The following OSBPL1A variants were observed in gnomAD, a reference collection of about 807,000 sequenced individuals.
OSBPL1A encodes the protein oxysterol-binding protein-related protein 1.
OSBPL1A carries 80 observed loss-of-function variants against 137.1 expected under a neutral mutation model. That is an observed-to-expected ratio of 0.58 (90% confidence interval 0.49 to 0.70). OSBPL1A has a LOEUF of 0.70. Among genes scored for constraint, OSBPL1A ranks in the 30% least tolerant of loss-of-function variants. The pLI, the probability that OSBPL1A is intolerant of heterozygous loss-of-function variation, is 0.00. For missense variants in OSBPL1A, 970 were observed against 1,129.4 expected (o/e 0.86, Z 2.02); for synonymous variants, 365 against 389.7 (o/e 0.94, Z 0.75).
chr18:24,286,579 A>C (rs1462796516), intron 14 of OSBPL1A, among the ~76,000 whole-genome samples: 1 of 152,234 alleles, frequency 6.6e-6, no homozygotes, highest in Non-Finnish European at 1.5e-5. Context: ...CTTTTAAAAA[A>C]TATTAAAATT....
chr18:24,163,788 G>A (rs778780813), intron 27 of OSBPL1A, among the ~76,000 whole-genome samples: 1 of 151,212 alleles, frequency 6.6e-6, no homozygotes, highest in Non-Finnish European at 1.5e-5. Context: ...GCTGGAGTGC[G>A]ATGGTGCACT....
intron 17 of OSBPL1A, among the ~76,000 whole-genome samples, chr18:24,224,138 T>C (rs534785355): frequency 1.3e-5 from 2 of 152,174 alleles, no homozygotes; most frequent in African/African-American, 4.8e-5. Context: ...TAAAAATAAA[T>C]ACAAACTGAG....
At chr18:24,239,456 T>G in intron 15 of OSBPL1A, 74 bp from the exon 16 acceptor site, 1 of 1,372,422 alleles carries the variant, frequency 7.3e-7, no homozygotes, top group Non-Finnish European at 1.0e-6. Flanking sequence ...GATGTGAAAA[T>G]TAATTGCTTT....
chr18:24,256,513 C>T (rs972317763), intron 15 of OSBPL1A, among the ~76,000 whole-genome samples: 3 of 152,132 alleles, frequency 2.0e-5, no homozygotes, highest in Non-Finnish European at 4.4e-5. Context: ...TAGTATCATA[C>T]TAAATGAGGA....
intron 4 of OSBPL1A, among the ~76,000 whole-genome samples, chr18:24,352,238 G>C (rs2091452438): frequency 6.6e-6 from 1 of 152,082 alleles, no homozygotes; most frequent in African/African-American, 2.4e-5. Flanking sequence ...GGAGATTGAG[G>C]CTCCAGGGAA....
intron 16 of OSBPL1A, among the ~76,000 whole-genome samples, chr18:24,235,260 T>A (rs1430240638): frequency 6.6e-6 from 1 of 152,218 alleles, no homozygotes; most frequent in African/African-American, 2.4e-5. Context: ...CGGGTCACCA[T>A]AATGAGAGCT....
intron 17 of OSBPL1A, among the ~76,000 whole-genome samples, chr18:24,211,989 G>C (rs1443062974): frequency 2.0e-5 from 3 of 151,868 alleles, no homozygotes; most frequent in Admixed American, 6.6e-5. Context: ...TAGGAAGCTG[G>C]ATAAATAAAA....
chr18:24,231,115 A>G (rs767698080), intron 16 of OSBPL1A, among the ~76,000 whole-genome samples: 32 of 152,300 alleles, frequency 2.1e-4, no homozygotes, highest in Non-Finnish European at 4.0e-4. Context: ...TAACACCTTG[A>G]AAAACATATA....
chr18:24,193,610 C>T lies in OSBPL1A; in HGVS notation c.1677+2515G>A, dbSNP rs188556168. Among the ~76,000 whole-genome samples the T allele has an allele frequency of 4.9e-4, 75 of 152,226 alleles. 1 individual carries two copies. Among genetic ancestry groups the T allele is most frequent in the East Asian group, 4.6e-3 (24 of 5,182 alleles). On this transcript the variant is annotated intron_variant, in intron 18 of 27. Transcript: ENST00000319481. ...CTGCTGCCTAAGAGAGAAGGTCCTACAGCAGACAGTGCCCAAAGAACAATA... is the reference window on the plus strand; with the variant it reads ...CTGCTGCCTAAGAGAGAAGGTCCTATAGCAGACAGTGCCCAAAGAACAATA...
intron 14 of OSBPL1A, among the ~76,000 whole-genome samples, chr18:24,296,139 T>C (rs1253576635): frequency 2.6e-5 from 4 of 152,168 alleles, no homozygotes; most frequent in Non-Finnish European, 5.9e-5. Flanking sequence ...TCCATGAGCA[T>C]GAGATATGTT....
chr18:24,368,506 T>G, intron 2 of OSBPL1A, 134 bp from the exon 3 acceptor site: 1 of 668,484 alleles, frequency 1.5e-6, no homozygotes, highest in Non-Finnish European at 2.7e-6. Context: ...GCAAGATATG[T>G]GACCAAGAAG....
At chr18:24,218,084 G>A (rs1420205040) in intron 17 of OSBPL1A, among the ~76,000 whole-genome samples, 1 of 152,166 alleles carries the variant, frequency 6.6e-6, no homozygotes, top group African/African-American at 2.4e-5. Context: ...ACCAAAGGCA[G>A]TATGTAGAAC....
chr18:24,368,455 C>T, intron 2 of OSBPL1A, 83 bp from the exon 3 acceptor site: 1 of 986,726 alleles, frequency 1.0e-6, no homozygotes, highest in Non-Finnish European at 1.6e-6. Context: ...AACAAGCTAC[C>T]TCAATAATCT....
chr18:24,348,217 A>C (rs1404149483), intron 4 of OSBPL1A, among the ~76,000 whole-genome samples: 1 of 152,236 alleles, frequency 6.6e-6, no homozygotes, highest in East Asian at 1.9e-4. Context: ...ATAATATATT[A>C]GTTCTTTCCT....
At chr18:24,346,403 ACTAT>A (rs1404322439) in intron 4 of OSBPL1A, among the ~76,000 whole-genome samples, 3 of 152,164 alleles carry the variant, frequency 2.0e-5, no homozygotes, top group African/African-American at 7.2e-5. Context: ...GTACATCATC[ACTAT>A]CTAATTTCAG....
intron 17 of OSBPL1A, among the ~76,000 whole-genome samples, chr18:24,201,765 A>G (rs921513625): frequency 3.9e-5 from 6 of 152,054 alleles, no homozygotes; most frequent in African/African-American, 1.4e-4. Context: ...TCCATTAAAA[A>G]AAAAAAAGAA....
At chr18:24,259,486 T>C (rs1215171159) in intron 15 of OSBPL1A, among the ~76,000 whole-genome samples, 2 of 152,144 alleles carry the variant, frequency 1.3e-5, no homozygotes, top group Non-Finnish European at 2.9e-5. Context: ...ATGGAAATAT[T>C]GTGCAAAGGA....
intron 4 of OSBPL1A, among the ~76,000 whole-genome samples, chr18:24,365,438 T>G (rs192767356): frequency 5.1e-4 from 77 of 152,084 alleles, no homozygotes; most frequent in African/African-American, 1.6e-3. Context: ...TCCAAAATTA[T>G]CTGGGCATGG....
chr18:24,334,392 A>G, intron 5 of OSBPL1A, 62 bp from the exon 6 acceptor site: 1 of 1,346,494 alleles, frequency 7.4e-7, no homozygotes, highest in Non-Finnish European at 1.0e-6. Context: ...ATTCATTATA[A>G]AGAATAAAGT....
Sources: allele counts gnomAD v4.1 joint callset (sites outside exome capture counted in the v4.1 genomes callset), GRCh38; gene constraint gnomAD v4.1.1; transcripts MANE v1.5; gene names NCBI Gene and HGNC (gene_info 2026-07-23, HGNC 2026-07-21).